The following GYPB variants were observed in gnomAD, a reference collection of about 807,000 sequenced individuals.
GYPB encodes glycophorin-B.
GYPB carries 13 observed loss-of-function variants against 15.3 expected under a neutral mutation model. The observed-to-expected ratio is 0.85, with a 90% CI of 0.55 to 1.35. The LOEUF is 1.35. GYPB is among the 40% of genes most tolerant of loss of function. The pLI, the probability that GYPB is intolerant of heterozygous loss-of-function variation, is 0.00. For synonymous variants in GYPB, 38 were observed against 36.9 expected, an observed-to-expected ratio of 1.03 and a Z score of -0.11; for missense variants, 131 against 108.3, an observed-to-expected ratio of 1.21 and a Z score of -0.93.
intron 3 of GYPB, 126 bp downstream of exon 3, chr4:143,999,285 G>C (rs918153342): frequency 5.0e-6 from 3 of 598,660 alleles, no homozygotes; most frequent in South Asian, 3.9e-5. Context: ...TTACAATTTC[G>C]TGTGAATAAA....
intron 1 of GYPB, among the ~76,000 whole-genome samples, chr4:144,015,114 TAGAA>T (rs1341909203): frequency 5.3e-5 from 8 of 151,474 alleles, no homozygotes; most frequent in Non-Finnish European, 5.9e-5. Flanking sequence ...AAAGACTTCT[TAGAA>T]AGCAGAGATT....
chr4:143,997,313 T>C (rs1727375171), intron 4 of GYPB: 1 of 393,970 alleles, frequency 2.5e-6, no homozygotes, highest in South Asian at 3.2e-5. Flanking sequence ...AGATCTTTCA[T>C]TGGGAAAATG....
intron 1 of GYPB, among the ~76,000 whole-genome samples, chr4:144,013,384 G>A (rs1218811219): frequency 3.3e-5 from 5 of 151,108 alleles, no homozygotes; most frequent in African/African-American, 4.9e-5. Flanking sequence ...ATCTAGAACT[G>A]GAAATACCAT....
chr4:143,995,362 A>G (rs1215921510), downstream of GYPB, among the ~76,000 whole-genome samples: 33 of 151,394 alleles, frequency 2.2e-4, no homozygotes, highest in Admixed American at 1.6e-3. Flanking sequence ...ACAGCATATG[A>G]CCATGGCCTG....
rs1049924349 is a variant in GYPB at position 144,010,416 on chromosome 4, C to T, written c.37+8835G>A. On this transcript the variant is annotated intron_variant, in intron 1 of 4. Coordinates refer to ENST00000502664, the MANE Select transcript of GYPB (RefSeq NM_002100.6). ...TCCAGCAGTTCAAGACTGAAGTAAG[C>T]TATGACTGTGCCGTTGCAGTCCAGC... 1.1e-4 allele frequency among the ~76,000 whole-genome samples: 16 copies of T among 151,586 alleles called. 1 individual carries two copies. Among genetic ancestry groups the T allele is most frequent in the African/African-American group, 3.9e-4 (16 of 40,862 alleles).
chr4:144,011,538 A>T, intron 1 of GYPB, among the ~76,000 whole-genome samples: 2 of 151,274 alleles, frequency 1.3e-5, no homozygotes, highest in Non-Finnish European at 2.9e-5. Context: ...ATTATGGACC[A>T]TTATAGCCCA....
At chr4:144,003,993 A>G (rs1164976725) in intron 1 of GYPB, among the ~76,000 whole-genome samples, 1 of 151,492 alleles carries the variant, frequency 6.6e-6, no homozygotes, top group African/African-American at 2.5e-5. Flanking sequence ...CATTGACACA[A>G]TTTCCTCAAT....
intron 1 of GYPB, among the ~76,000 whole-genome samples, chr4:144,004,925 A>G (rs1415775730): frequency 1.3e-5 from 2 of 151,728 alleles, no homozygotes; most frequent in Non-Finnish European, 2.9e-5. Flanking sequence ...CTGGGTAGAA[A>G]GCATTTAAGC....
chr4:144,012,323 A>G (rs1368679039), intron 1 of GYPB: 1 of 151,540 alleles, frequency 6.6e-6, no homozygotes, highest in Non-Finnish European at 1.5e-5. Flanking sequence ...GCTCAAACTA[A>G]TTCCTCTAGC....
At chr4:144,019,169 G>C (rs1728656538) in intron 1 of GYPB, 82 bp downstream of exon 1, 2 of 1,602,318 alleles carry the variant, frequency 1.2e-6, no homozygotes, top group Non-Finnish European at 1.7e-6. Context: ...AAATAAGATA[G>C]AACTGAAATA....
At chr4:144,008,511 G>A in intron 1 of GYPB, 1 of 455,030 alleles carries the variant, frequency 2.2e-6, no homozygotes, top group Middle Eastern at 3.3e-4. Context: ...AGTCTGTTAA[G>A]TTGAATCTTA....
intron 1 of GYPB, among the ~76,000 whole-genome samples, chr4:144,015,639 G>GAAGT (rs923424473): frequency 2.9e-4 from 44 of 151,418 alleles, no homozygotes; most frequent in South Asian, 1.9e-3. Context: ...AAATCACTAC[G>GAAGT]AAGTAAGTTT....
intron 1 of GYPB, chr4:144,012,371 T>C (rs1242062313): frequency 4.0e-5 from 6 of 151,688 alleles, no homozygotes; most frequent in Non-Finnish European, 5.9e-5. Flanking sequence ...TTAATCTCTA[T>C]ATTTTTGTTC....
intron 1 of GYPB, among the ~76,000 whole-genome samples, chr4:144,011,435 A>G (rs970253707): frequency 6.6e-6 from 1 of 151,330 alleles, no homozygotes; most frequent in Admixed American, 6.6e-5. Context: ...TATTAATCTT[A>G]GGCAAAGTAG....
chr4:144,017,269 G>A (rs879246256), intron 1 of GYPB, among the ~76,000 whole-genome samples: 4 of 146,570 alleles, frequency 2.7e-5, no homozygotes, highest in Non-Finnish European at 4.4e-5. Flanking sequence ...GGTAAGTTTA[G>A]AATTAGAAAT....
At chr4:144,016,551 G>T (rs540641685) in intron 1 of GYPB, among the ~76,000 whole-genome samples, 1 of 151,114 alleles carries the variant, frequency 6.6e-6, no homozygotes, top group East Asian at 1.9e-4. Flanking sequence ...GGAATACATG[G>T]ATGAATAAAG....
rs186917795 is a variant in GYPB, at chr4:144,003,938, T to G, written c.38-2655A>C. 1.5e-3 allele frequency among the ~76,000 whole-genome samples: 227 copies of G among 151,656 alleles called. 1 individual carries two copies. Among genetic ancestry groups the G allele is most frequent in the Middle Eastern group, 3.4e-3 (1 of 294 alleles). On this transcript the variant is annotated intron_variant, in intron 1 of 4. Transcript: ENST00000502664. ...TCCACTCTGGCTTTTAACAAGGCTC[T>G]GAACTATTGTCAGAACTTGGGAATT...
chr4:144,001,272 T>G lies in GYPB; in HGVS notation c.49A>C (p.Ile17Leu). The G allele has an allele frequency of 6.2e-7, 1 of 1,612,946 alleles. No homozygotes were observed. Among genetic ancestry groups the G allele is most frequent in the Non-Finnish European group, 8.5e-7 (1 of 1,179,804 alleles). The change falls in exon 2 of 5, where the codon ATA (isoleucine) becomes CTA (leucine). Residue 17 changes from isoleucine to leucine, a missense_variant. By Grantham distance (5) the Ile-to-Leu change is conservative. Coordinates refer to ENST00000502664, the MANE Select transcript of GYPB (RefSeq NM_002100.6). ...FVLLLSEIVSISALSTTEVAM... is the reference protein window; with the variant it reads ...FVLLLSEIVSLSALSTTEVAM... ...ACCTCAGTGGTACTTAATGCTGATA[T>G]GCTCACAATTTCTGTATAAAATAGA...
chr4:144,017,914 A>G (rs1248548101), intron 1 of GYPB, among the ~76,000 whole-genome samples: 3 of 151,328 alleles, frequency 2.0e-5, no homozygotes, highest in African/African-American at 7.4e-5. Flanking sequence ...TAGAGTAGCT[A>G]TGTTTGTTTT....
Sources: gnomAD v4.1 joint callset for allele counts (sites outside exome capture counted in the v4.1 genomes callset) on GRCh38, gnomAD v4.1.1 for gene constraint, MANE v1.5 for transcripts, NCBI Gene and HGNC (gene_info 2026-07-23, HGNC 2026-07-21) for gene names.